The following GMDS variants were observed in gnomAD, a reference collection of about 807,000 sequenced individuals.
GMDS encodes the protein GDP-mannose 4,6 dehydratase.
Under a neutral mutation model 49.9 loss-of-function variants are expected in GMDS, and 20 were observed. The ratio of observed to expected loss-of-function variants is 0.40; its 90% confidence interval spans 0.28 to 0.58. The LOEUF is 0.58. Among genes scored for constraint, GMDS ranks in the 20% least tolerant of loss-of-function variants. The pLI, the probability that GMDS is intolerant of heterozygous loss-of-function variation, is 0.42. For synonymous variants in GMDS, 177 were observed against 178.6 expected (o/e 0.99, Z 0.07); for missense variants, 362 against 481.4 (o/e 0.75, Z 2.32).
intron 9 of GMDS, among the ~76,000 whole-genome samples, chr6:1,708,403 C>T (rs1765817170): frequency 6.6e-6 from 1 of 152,100 alleles, no homozygotes; most frequent in African/African-American, 2.4e-5. Flanking sequence ...CTCGAAACCA[C>T]CTCTGAAGGC....
chr6:2,244,626 AC>A (rs1195083276), intron 1 of GMDS, among the ~76,000 whole-genome samples: 2 of 152,298 alleles, frequency 1.3e-5, no homozygotes, highest in African/African-American at 2.4e-5. Flanking sequence ...CCTCTTGATT[AC>A]CTTACTCGAC....
intron 7 of GMDS, among the ~76,000 whole-genome samples, chr6:1,849,712 T>C (rs186017356): frequency 6.6e-6 from 1 of 152,338 alleles, no homozygotes; most frequent in East Asian, 1.9e-4. Flanking sequence ...TATTATAAGC[T>C]CTTTATTCTA....
At chr6:2,155,323 T>G (rs1431934281) in intron 1 of GMDS, among the ~76,000 whole-genome samples, 1 of 152,132 alleles carries the variant, frequency 6.6e-6, no homozygotes, top group Non-Finnish European at 1.5e-5. Context: ...AAAAAGACTA[T>G]GATTTTTCCC....
chr6:1,760,032 C>T (rs918739450), intron 7 of GMDS, among the ~76,000 whole-genome samples: 1 of 152,048 alleles, frequency 6.6e-6, no homozygotes, highest in Admixed American at 6.5e-5. Context: ...AGCACCCAGG[C>T]GTGAGACTGT....
At chr6:1,653,299 A>G (rs769403216) in intron 9 of GMDS, among the ~76,000 whole-genome samples, 3 of 152,248 alleles carry the variant, frequency 2.0e-5, no homozygotes, top group Non-Finnish European at 4.4e-5. Flanking sequence ...GTTGCAAAAG[A>G]CACCAATAAA....
At chr6:1,642,662 T>C (rs944558193) in intron 9 of GMDS, among the ~76,000 whole-genome samples, 5 of 152,198 alleles carry the variant, frequency 3.3e-5, no homozygotes, top group Admixed American at 3.3e-4. Flanking sequence ...CCTGAGTCCT[T>C]ATGCATAACA....
intron 7 of GMDS, among the ~76,000 whole-genome samples, chr6:1,910,133 T>A (rs1380871637): frequency 6.6e-6 from 1 of 152,206 alleles, no homozygotes; most frequent in Non-Finnish European, 1.5e-5. Flanking sequence ...TAATGTTACA[T>A]TTTTACTTTT....
rs939255341 is a variant in GMDS, at chr6:1,623,973, A to T, written c.*196T>A. ...CTTCGACAAACGCAAAGCGACCCAAACCCTGGAGGGTCACATCCCGGCTGC... is the reference window on the plus strand; with the variant it reads ...CTTCGACAAACGCAAAGCGACCCAATCCCTGGAGGGTCACATCCCGGCTGC... On this transcript the variant is annotated 3_prime_UTR_variant, in exon 11 of 11. Coordinates refer to ENST00000380815, the MANE Select transcript of GMDS (RefSeq NM_001500.4). The T allele has an allele frequency of 1.8e-6, 1 of 549,694 alleles. No individual in the cohort carries two copies. 34.1% of individuals were successfully genotyped at this position (549,694 alleles called of 1,614,324 possible).
At chr6:2,216,537 C>T (rs556755775) in intron 1 of GMDS, among the ~76,000 whole-genome samples, 2 of 152,316 alleles carry the variant, frequency 1.3e-5, no homozygotes, top group Non-Finnish European at 2.9e-5. Context: ...TGCACTCACA[C>T]TTCTTTGTGG....
intron 7 of GMDS, among the ~76,000 whole-genome samples, chr6:1,818,561 T>A (rs1770762680): frequency 6.8e-6 from 1 of 146,172 alleles, no homozygotes; most frequent in African/African-American, 2.6e-5. Flanking sequence ...TGAGCCGAGA[T>A]CGTGCCATTC....
rs1554104222 is a variant in GMDS at position 1,652,624 on chromosome 6, A to ATAT, written c.988-28085_988-28084insATA. The stretch of plus-strand genomic sequence containing the variant: ...ATATATAATATATATAATATATATT[A>ATAT]TTTATATATAATATATATAATATAT... On this transcript the variant is annotated intron_variant, in intron 9 of 10. Transcript: ENST00000380815. Among the ~76,000 whole-genome samples, 7 of 4,168 alleles carry ATAT rather than the reference A, an allele frequency of 1.7e-3. 1 individual carries two copies. Among genetic ancestry groups the ATAT allele is most frequent in the African/African-American group, 4.9e-3 (7 of 1,432 alleles). 2.7% of individuals were successfully genotyped at this position (4,168 alleles called of 152,430 possible).
At chr6:2,188,010 T>C (rs1227758415) in intron 1 of GMDS, among the ~76,000 whole-genome samples, 3 of 152,168 alleles carry the variant, frequency 2.0e-5, no homozygotes, top group Admixed American at 2.0e-4. Context: ...CAGCTTAGGA[T>C]GGTAATGATT....
intron 4 of GMDS, among the ~76,000 whole-genome samples, chr6:2,040,363 T>C (rs1769599039): frequency 6.6e-6 from 1 of 152,192 alleles, no homozygotes; most frequent in African/African-American, 2.4e-5. Context: ...TAAAACACAA[T>C]TTTATGATCA....
At chr6:1,942,860 T>C (rs1762884543) in intron 6 of GMDS, among the ~76,000 whole-genome samples, 1 of 152,224 alleles carries the variant, frequency 6.6e-6, no homozygotes, top group Non-Finnish European at 1.5e-5. Flanking sequence ...AGAGTCCTGA[T>C]AGACGCACAA....
intron 9 of GMDS, among the ~76,000 whole-genome samples, chr6:1,691,679 T>C (rs977394068): frequency 1.3e-5 from 2 of 152,180 alleles, no homozygotes; most frequent in African/African-American, 4.8e-5. Flanking sequence ...GTTCTAAAAT[T>C]TATTTTGCCC....
At chr6:1,725,910 G>A (rs996273243) in intron 9 of GMDS, among the ~76,000 whole-genome samples, 2 of 152,190 alleles carry the variant, frequency 1.3e-5, no homozygotes, top group Admixed American at 6.5e-5. Context: ...CTGATGTATC[G>A]GCCAGAAAAG....
intron 7 of GMDS, among the ~76,000 whole-genome samples, chr6:1,927,570 AT>A (rs1332240234): frequency 6.6e-6 from 1 of 152,200 alleles, no homozygotes; most frequent in Non-Finnish European, 1.5e-5. Context: ...AAATATTTTT[AT>A]TTTATGCTAA....
At chr6:2,135,489 A>C (rs1360745216) in intron 1 of GMDS, among the ~76,000 whole-genome samples, 1 of 152,194 alleles carries the variant, frequency 6.6e-6, no homozygotes, top group African/African-American at 2.4e-5. Context: ...TTAATATCTG[A>C]TGTACTATGC....
intron 7 of GMDS, among the ~76,000 whole-genome samples, chr6:1,864,708 T>C (rs1381374212): frequency 2.0e-5 from 3 of 152,156 alleles, no homozygotes; most frequent in Non-Finnish European, 4.4e-5. Context: ...GACCTGTCAG[T>C]GCACCGCCTC....
Sources: allele counts gnomAD v4.1 joint callset (sites outside exome capture counted in the v4.1 genomes callset), GRCh38; gene constraint gnomAD v4.1.1; transcripts MANE v1.5; gene names NCBI Gene and HGNC (gene_info 2026-07-23, HGNC 2026-07-21).